DIP2C: variants seen among roughly 807,000 people sequenced by gnomAD.
DIP2C encodes the protein DIP2 acetate--CoA ligase C (putative).
DIP2C carries 33 observed loss-of-function variants against 192.4 expected under a neutral mutation model. The observed-to-expected ratio is 0.17, with a 90% CI of 0.13 to 0.23. The LOEUF is 0.23. Among genes scored for constraint, DIP2C ranks in the 10% least tolerant of loss-of-function variants. DIP2C has a pLI of 1.00. For synonymous variants in DIP2C, 979 were observed against 864.1 expected, an observed-to-expected ratio of 1.13 and a Z score of -2.33; for missense variants, 1,537 against 2,110.1, an observed-to-expected ratio of 0.73 and a Z score of 5.32.
chr10:598,474 G>C (rs569531406), intron 1 of DIP2C, among the ~76,000 whole-genome samples: 178 of 152,382 alleles, frequency 1.2e-3, no homozygotes, highest in African/African-American at 3.9e-3. Context: ...CTGTGGGAAA[G>C]TCAGTCTCAG....
intron 1 of DIP2C, among the ~76,000 whole-genome samples, chr10:581,999 C>T (rs1233486762): frequency 1.3e-5 from 2 of 152,086 alleles, no homozygotes; most frequent in African/African-American, 2.4e-5. Flanking sequence ...GGAGCACCTC[C>T]GAGATCCCTC....
intron 1 of DIP2C, among the ~76,000 whole-genome samples, chr10:631,778 AGAGC>A (rs1854535086): frequency 6.6e-6 from 1 of 152,360 alleles, no homozygotes; most frequent in Admixed American, 6.5e-5. Context: ...GGGAGCAGAG[AGAGC>A]TTAGCAGCTT....
Position 380,773 on chromosome 10 carries a change from G to A in DIP2C, c.1991+1874C>T, listed in dbSNP as rs80282970. On this transcript the variant is annotated intron_variant, in intron 17 of 36. Coordinates refer to ENST00000280886, the MANE Select transcript of DIP2C (RefSeq NM_014974.3). ...GGGAAGCCTTGCCAGACCTCACTTA[G>A]TACAGCTTTACGGAATGTACGAAAG... is the stretch of plus-strand genomic sequence containing the variant. Among the ~76,000 whole-genome samples the A allele has an allele frequency of 6.1e-3, 927 of 152,310 alleles. 4 individuals carry two copies. Among genetic ancestry groups the A allele is most frequent in the Middle Eastern group, 0.014 (4 of 294 alleles).
At chr10:344,613 T>C (rs564904420) in intron 28 of DIP2C, among the ~76,000 whole-genome samples, 196 bp downstream of exon 28, 15 of 152,336 alleles carry the variant, frequency 9.8e-5, no homozygotes, top group African/African-American at 3.1e-4. Context: ...CTTGGGGCAT[T>C]TGGACAGAAT....
intron 19 of DIP2C, among the ~76,000 whole-genome samples, chr10:365,595 C>A (rs1348387563): frequency 6.6e-6 from 1 of 152,182 alleles, no homozygotes; most frequent in Non-Finnish European, 1.5e-5. Context: ...TTTATATTTT[C>A]TTACATATAA....
chr10:527,029 G>T (rs1479507482), intron 1 of DIP2C, among the ~76,000 whole-genome samples: 2 of 152,190 alleles, frequency 1.3e-5, no homozygotes, highest in African/African-American at 4.8e-5. Context: ...CGTCCTGGGG[G>T]ACAGCTGTCT....
intron 29 of DIP2C, among the ~76,000 whole-genome samples, chr10:335,709 G>A (rs915048160): frequency 2.0e-5 from 3 of 152,186 alleles, no homozygotes; most frequent in Non-Finnish European, 4.4e-5. Context: ...GTGTGCTACA[G>A]GCTTCACCAT....
At chr10:573,881 ATTC>A (rs1381500349) in intron 1 of DIP2C, among the ~76,000 whole-genome samples, 2 of 152,228 alleles carry the variant, frequency 1.3e-5, no homozygotes, top group African/African-American at 4.8e-5. Context: ...CAGAAGCAGC[ATTC>A]TTCAAGTTCT....
At chr10:286,433 C>T in intron 33 of DIP2C, 86 bp from the exon 34 acceptor site, 2 of 1,237,268 alleles carry the variant, frequency 1.6e-6, no homozygotes, top group Non-Finnish European at 2.4e-6. Flanking sequence ...CATCTTTATG[C>T]CATTTCCTTT....
In DIP2C at chr10:580,676, G is replaced by T. The variant is rs1268758696; in HGVS notation, c.86-94146C>A. ...CATTTGTATAGTACACATATACCGAGACCCAGAACAGGCCATGAATATTAA... is the reference window on the plus strand; with the variant it reads ...CATTTGTATAGTACACATATACCGATACCCAGAACAGGCCATGAATATTAA... On this transcript the variant is annotated intron_variant, in intron 1 of 36. Transcript: ENST00000280886. Among the ~76,000 whole-genome samples, 4 of 152,084 alleles carry T rather than the reference G, an allele frequency of 2.6e-5. No homozygotes were observed. The East Asian group carries it at 7.7e-4, about 29-fold the overall frequency.
chr10:515,785 A>C (rs994959495), intron 1 of DIP2C, among the ~76,000 whole-genome samples: 1 of 152,102 alleles, frequency 6.6e-6, no homozygotes, highest in Non-Finnish European at 1.5e-5. Context: ...GCCCCCACCC[A>C]ACCCAAGCAA....
At chr10:381,232 A>G (rs963096833) in intron 17 of DIP2C, among the ~76,000 whole-genome samples, 2 of 152,208 alleles carry the variant, frequency 1.3e-5, no homozygotes, top group African/African-American at 4.8e-5. Context: ...TTACAGCATC[A>G]GCACTGAACG....
chr10:321,283 G>A (rs191981078), intron 31 of DIP2C, among the ~76,000 whole-genome samples: 18 of 152,328 alleles, frequency 1.2e-4, no homozygotes, highest in Admixed American at 6.5e-4. Flanking sequence ...CAGGAGCACC[G>A]GTGAGGCCTT....
At chr10:556,580 C>T (rs1475581464) in intron 1 of DIP2C, among the ~76,000 whole-genome samples, 1 of 151,332 alleles carries the variant, frequency 6.6e-6, no homozygotes, top group East Asian at 2.0e-4. Flanking sequence ...CCAGTCACTC[C>T]AACGTGTCAC....
chr10:591,339 G>A (rs1851393334), intron 1 of DIP2C, among the ~76,000 whole-genome samples: 1 of 152,118 alleles, frequency 6.6e-6, no homozygotes, highest in South Asian at 2.1e-4. Context: ...TGGCCAGGCT[G>A]GTCTCAAACT....
intron 1 of DIP2C, among the ~76,000 whole-genome samples, chr10:658,212 CCTGGACCTGCCG>C (rs1284017785): frequency 8.8e-5 from 13 of 147,394 alleles, no homozygotes; most frequent in Middle Eastern, 4.0e-3. Flanking sequence ...TGGACCTGCC[CCTGGACCTGCCG>C]CTGGACCTGC....
chr10:436,462 A>G (rs892372110), intron 4 of DIP2C, among the ~76,000 whole-genome samples: 1 of 152,134 alleles, frequency 6.6e-6, no homozygotes, highest in Non-Finnish European at 1.5e-5. Context: ...TGGACTTGGC[A>G]GGGTGGCATG....
At position 384,125 on chromosome 10, in the gene DIP2C, G is replaced by A. The variant is rs929778146; in HGVS notation, c.1778C>T (p.Ser593Leu). The change falls in exon 16 of 37, where the codon TCG (serine) becomes TTG (leucine). Residue 593 changes from serine (S) to leucine (L), a missense_variant. Physicochemically the swap from Ser to Leu is moderately radical, Grantham distance 145. This residue lies in a region of DIP2C where 677 missense variants were observed against 989.9 expected (regional missense o/e 0.68). Transcript: ENST00000280886. ...QYKAKVACVK[S>L]RDMHWALVAH... is the part of the protein sequence containing the mutation. ...TACTAATGCCCAATGCATATCCCTCGATTTCACACACGCCACTTTTGCTAA... is the reference window on the plus strand; with the variant it reads ...TACTAATGCCCAATGCATATCCCTCAATTTCACACACGCCACTTTTGCTAA... 7 of 1,609,308 alleles carry A rather than the reference G, an allele frequency of 4.3e-6. No homozygotes were observed. Among genetic ancestry groups the A allele is most frequent in the Non-Finnish European group, 5.1e-6 (6 of 1,179,052 alleles).
intron 4 of DIP2C, among the ~76,000 whole-genome samples, chr10:423,316 G>A (rs1485828868): frequency 2.0e-5 from 3 of 152,318 alleles, no homozygotes; most frequent in African/African-American, 2.4e-5. Context: ...ACAGCAGTTT[G>A]GGAAGAAACC....
Sources: allele counts gnomAD v4.1 joint callset (sites outside exome capture counted in the v4.1 genomes callset), GRCh38; gene constraint gnomAD v4.1.1; regional missense constraint gnomAD v4.1.1; transcripts MANE v1.5; gene names NCBI Gene and HGNC (gene_info 2026-07-23, HGNC 2026-07-21).